The following MCU variants were observed in gnomAD, a reference collection of about 807,000 sequenced individuals.
MCU encodes the protein mitochondrial calcium uniporter.
Under a neutral mutation model 45.2 loss-of-function variants are expected in MCU, and 12 were observed. That is an observed-to-expected ratio of 0.27 (90% CI 0.17 to 0.43). MCU has a LOEUF of 0.43. Among genes scored for constraint, MCU ranks in the 20% least tolerant of loss-of-function variants. MCU has a pLI of 1.00. For synonymous variants in MCU, 160 were observed against 165.1 expected (o/e 0.97, Z 0.24); for missense variants, 324 against 436.7 (o/e 0.74, Z 2.30).
At chr10:72,857,661 C>T (rs1845313852) in intron 2 of MCU, among the ~76,000 whole-genome samples, 1 of 152,128 alleles carries the variant, frequency 6.6e-6, no homozygotes, top group African/African-American at 2.4e-5. Flanking sequence ...TCAGTGCTAA[C>T]ATCATCTTTA....
chr10:72,730,391 C>T (rs1454278017), intron 1 of MCU, among the ~76,000 whole-genome samples: 1 of 149,792 alleles, frequency 6.7e-6, no homozygotes, highest in Non-Finnish European at 1.5e-5. Flanking sequence ...TGGGTTCAAG[C>T]TATTCTCCTG....
At chr10:72,792,704 C>T (rs1844181913) in intron 1 of MCU, among the ~76,000 whole-genome samples, 1 of 135,068 alleles carries the variant, frequency 7.4e-6, no homozygotes, top group Non-Finnish European at 1.6e-5. Flanking sequence ...TCTCCCCTCC[C>T]CCCCACCCCC....
chr10:72,848,577 C>G (rs940871653), intron 2 of MCU, among the ~76,000 whole-genome samples: 1 of 152,152 alleles, frequency 6.6e-6, no homozygotes, highest in African/African-American at 2.4e-5. Flanking sequence ...TCCTGCCTCT[C>G]AACACTGTTA....
intron 6 of MCU, among the ~76,000 whole-genome samples, chr10:72,876,661 G>A (rs1845619737): frequency 6.6e-6 from 1 of 152,150 alleles, no homozygotes; most frequent in Non-Finnish European, 1.5e-5. Context: ...TTAACAGTTA[G>A]AAGCTTTCTA....
chr10:72,746,866 C>T (rs943817969), intron 1 of MCU, among the ~76,000 whole-genome samples: 1 of 152,154 alleles, frequency 6.6e-6, no homozygotes, highest in Non-Finnish European at 1.5e-5. Context: ...TTTATGATCT[C>T]TATCTAGAAG....
chr10:72,820,170 T>A (rs537769880), intron 1 of MCU, among the ~76,000 whole-genome samples: 1 of 152,358 alleles, frequency 6.6e-6, no homozygotes, highest in South Asian at 2.1e-4. Flanking sequence ...CATGTGAATA[T>A]ATTTACATGC....
chr10:72,734,145 C>A (rs944041496), intron 1 of MCU, among the ~76,000 whole-genome samples: 9 of 152,238 alleles, frequency 5.9e-5, no homozygotes, highest in Non-Finnish European at 1.2e-4. Flanking sequence ...CTTTGGGAGG[C>A]TGAGGCAGGA....
At chr10:72,859,416 C>A in intron 3 of MCU, 69 bp downstream of exon 3, 1 of 1,401,414 alleles carries the variant, frequency 7.1e-7, no homozygotes, top group Non-Finnish European at 9.8e-7. Context: ...TAGACACATA[C>A]ATACACCACA....
chr10:72,871,149 C>A (rs1845536665), intron 5 of MCU, among the ~76,000 whole-genome samples: 1 of 152,192 alleles, frequency 6.6e-6, no homozygotes, highest in Non-Finnish European at 1.5e-5. Flanking sequence ...AGCTTCCCGC[C>A]TTGGCCTACC....
chr10:72,693,322 A>G (rs913514307), intron 1 of MCU, among the ~76,000 whole-genome samples: 8 of 152,104 alleles, frequency 5.3e-5, no homozygotes, highest in Non-Finnish European at 1.2e-4. Context: ...CTAGACCTAT[A>G]TGTGTTGGTC....
chr10:72,809,267 C>T (rs1056043307), intron 1 of MCU, among the ~76,000 whole-genome samples: 4 of 152,188 alleles, frequency 2.6e-5, no homozygotes, highest in Non-Finnish European at 4.4e-5. Flanking sequence ...AGACTTGAGG[C>T]AGTCAGTGGA....
chr10:72,873,013 GTTTTTTTT>G (rs1193681306), intron 6 of MCU, among the ~76,000 whole-genome samples: 1 of 88,864 alleles, frequency 1.1e-5, no homozygotes, highest in Non-Finnish European at 2.3e-5. Context: ...TGTTTTTTGG[GTTTTTTTT>G]TTTTTTTTTT....
chr10:72,808,505 T>C (rs1286756349), intron 1 of MCU, among the ~76,000 whole-genome samples: 2 of 152,220 alleles, frequency 1.3e-5, no homozygotes, highest in Non-Finnish European at 2.9e-5. Context: ...AAGACTCTAG[T>C]AACATTTTTA....
rs777343820 is a variant in MCU, at chr10:72,692,166, A to G, written c.15A>G (p.Ala5=). 9 of 1,290,256 alleles carry G rather than the reference A, an allele frequency of 7.0e-6. No individual in the cohort carries two copies. The highest frequency in any genetic ancestry group is 3.2e-5 in the Admixed American group (1 of 31,182). The allele number at this position is 1,290,256 out of a possible 1,614,324, so 79.9% of individuals were successfully genotyped here. The part of the protein sequence containing the change: MAAA[A]GRSLLLLLSS... ...CCAGTTGAGAGATGGCGGCCGCCGC[A>G]GGTAGATCGCTCCTGCTGCTCCTCT... The change falls in exon 1 of 8, where the codon GCA becomes GCG. Residue 5 remains alanine (A), a synonymous_variant. Transcript: ENST00000373053.
At chr10:72,862,767 AT>A (rs1235895939) in intron 4 of MCU, among the ~76,000 whole-genome samples, 5 of 152,020 alleles carry the variant, frequency 3.3e-5, no homozygotes, top group African/African-American at 9.7e-5. Flanking sequence ...GCTTTTAAGA[AT>A]TGGGTTTAGG....
At chr10:72,788,144 A>G (rs558135868) in intron 1 of MCU, among the ~76,000 whole-genome samples, 1 of 152,354 alleles carries the variant, frequency 6.6e-6, no homozygotes, top group South Asian at 2.1e-4. Flanking sequence ...TTCTGTGTTC[A>G]ATTTGTACAG....
chr10:72,789,749 C>T (rs1490076416), intron 1 of MCU, among the ~76,000 whole-genome samples: 1 of 152,154 alleles, frequency 6.6e-6, no homozygotes, highest in Non-Finnish European at 1.5e-5. Context: ...CAAATTTTCA[C>T]CCAGGAAAAA....
At chr10:72,763,113 A>G (rs1589449062) in intron 1 of MCU, among the ~76,000 whole-genome samples, 1 of 152,254 alleles carries the variant, frequency 6.6e-6, no homozygotes, top group South Asian at 2.1e-4. Flanking sequence ...TCTGATTTTA[A>G]TTGATTAAAT....
intron 1 of MCU, among the ~76,000 whole-genome samples, chr10:72,833,094 A>G (rs569415243): frequency 2.0e-5 from 3 of 152,210 alleles, no homozygotes; most frequent in Non-Finnish European, 4.4e-5. Flanking sequence ...GTTAGTTAAA[A>G]CAATGTGGCT....
Sources: gnomAD v4.1 joint callset for allele counts (sites outside exome capture counted in the v4.1 genomes callset) on GRCh38, gnomAD v4.1.1 for gene constraint, MANE v1.5 for transcripts, NCBI Gene and HGNC (gene_info 2026-07-23, HGNC 2026-07-21) for gene names.